MAN1C1: variants seen among roughly 807,000 people sequenced by gnomAD.
The protein encoded by MAN1C1 is mannosidase alpha class 1C member 1, also known as mannosyl-oligosaccharide 1,2-alpha-mannosidase IC.
Under a neutral mutation model 71.5 loss-of-function variants are expected in MAN1C1, and 49 were observed. The observed-to-expected ratio is 0.69, with a 90% confidence interval of 0.54 to 0.87. The LOEUF (loss-of-function observed/expected upper bound fraction) is 0.87, where lower values mean the gene tolerates loss of function less well. Among genes scored for constraint, MAN1C1 ranks in the 40% least tolerant of loss-of-function variants. The pLI is 0.00. For synonymous variants in MAN1C1, 352 were observed against 343.7 expected, an observed-to-expected ratio of 1.02 and a Z score of -0.27; for missense variants, 743 against 835.0, an observed-to-expected ratio of 0.89 and a Z score of 1.36.
chr1:25,783,516 C>G (rs2047725512), intron 11 of MAN1C1, 147 bp from the exon 12 acceptor site: 1 of 833,304 alleles, frequency 1.2e-6, no homozygotes, highest in Non-Finnish European at 1.9e-6. Flanking sequence ...CACCCCCACC[C>G]TGCTGCCCAC....
At chr1:25,749,403 TC>T in intron 4 of MAN1C1, 68 bp downstream of exon 4, 1 of 1,311,726 alleles carries the variant, frequency 7.6e-7, no homozygotes, top group Non-Finnish European at 1.1e-6. Context: ...ATCCAGTCCT[TC>T]CCCCTCATGC....
intron 1 of MAN1C1, among the ~76,000 whole-genome samples, chr1:25,673,412 A>G (rs1225087929): frequency 1.3e-5 from 2 of 152,208 alleles, no homozygotes; most frequent in Non-Finnish European, 2.9e-5. Flanking sequence ...TCTGTTGCTT[A>G]CTTGCTATGA....
At chr1:25,667,656 T>C (rs1361445535) in intron 1 of MAN1C1, among the ~76,000 whole-genome samples, 2 of 152,178 alleles carry the variant, frequency 1.3e-5, no homozygotes, top group Non-Finnish European at 2.9e-5. Context: ...GCTCGATCTT[T>C]TCTCTCTCCT....
chr1:25,626,399 C>T (rs1557738599), intron 1 of MAN1C1, among the ~76,000 whole-genome samples: 1 of 150,954 alleles, frequency 6.6e-6, no homozygotes. Flanking sequence ...TGCTCTGTTG[C>T]CCAGGCTGGA....
chr1:25,751,615 T>C (rs2047217391), intron 4 of MAN1C1, among the ~76,000 whole-genome samples: 1 of 152,260 alleles, frequency 6.6e-6, no homozygotes, highest in Admixed American at 6.5e-5. Flanking sequence ...GCCCCTGCCC[T>C]CTGGCCACAC....
rs77944287 is a variant in MAN1C1 at position 25,681,772 on chromosome 1, G to T, written c.541-4668G>T. 7.0e-4 allele frequency among the ~76,000 whole-genome samples: 107 copies of T among 152,302 alleles called. No homozygotes were observed. The East Asian group carries it at 0.019, about 26-fold the overall frequency. On this transcript the variant is annotated intron_variant, in intron 1 of 11. Coordinates refer to ENST00000374332, the MANE Select transcript of MAN1C1 (RefSeq NM_020379.4). ...CCAACCAGCCATGTATGAGGGTTCTGATTTCAGCATATCCTGGCCAACACT... is the reference window on the plus strand; with the variant it reads ...CCAACCAGCCATGTATGAGGGTTCTTATTTCAGCATATCCTGGCCAACACT...
chr1:25,780,705 AGC>A lies in MAN1C1; in HGVS notation c.1478-234_1478-233del. 6.1e-6 allele frequency: 3 copies of A among 492,530 alleles called. No homozygotes were observed. The Admixed American group carries it at 1.0e-4, about 17-fold the overall frequency. The allele number at this position is 492,530 out of a possible 1,614,324, so 30.5% of individuals were successfully genotyped here. Reference sequence around the variant, plus strand: ...GCTCATTTGGACTCTCAGAGTCCAAAGCTGCTCACATTTCCAGTCCCCGAGGG... The same window carrying A: ...GCTCATTTGGACTCTCAGAGTCCAAATGCTCACATTTCCAGTCCCCGAGGG... On this transcript the variant is annotated intron_variant, in intron 9 of 11. Transcript: ENST00000374332.
intron 2 of MAN1C1, among the ~76,000 whole-genome samples, chr1:25,723,217 A>G (rs139327322): frequency 7.0e-4 from 107 of 152,294 alleles, no homozygotes; most frequent in African/African-American, 2.5e-3. Flanking sequence ...GCCAGGCATC[A>G]AGAGGCCCTC....
chr1:25,682,840 C>A (rs570629345), intron 1 of MAN1C1, among the ~76,000 whole-genome samples: 91 of 152,140 alleles, frequency 6.0e-4, no homozygotes, highest in African/African-American at 2.1e-3. Context: ...GAGTTTGAGA[C>A]CAACCTGGCC....
chr1:25,679,737 GTATAA>G (rs2046119990), intron 1 of MAN1C1, among the ~76,000 whole-genome samples: 2 of 151,668 alleles, frequency 1.3e-5, no homozygotes, highest in South Asian at 2.1e-4. Flanking sequence ...CACACTGTAT[GTATAA>G]TATATGTATA....
At chr1:25,723,806 G>A (rs566684959) in intron 2 of MAN1C1, among the ~76,000 whole-genome samples, 2 of 152,288 alleles carry the variant, frequency 1.3e-5, no homozygotes, top group South Asian at 4.1e-4. Context: ...TTCAAACAGC[G>A]GGATGTATGA....
rs142062930 is a variant in MAN1C1, at chr1:25,769,253, G to GAC, written c.1142-2393_1142-2392dup. Among the ~76,000 whole-genome samples the GAC allele has an allele frequency of 0.24, 35,208 of 145,760 alleles. 4,963 individuals carry two copies. The highest frequency in any genetic ancestry group is 0.4 in the African/African-American group (15,938 of 39,614). On this transcript the variant is annotated intron_variant, in intron 7 of 11. Transcript: ENST00000374332. This position sits in a 1 kb window ranked among gnomAD's most constrained non-coding sequence, Gnocchi z 4.8. The stretch of plus-strand genomic sequence containing the variant: ...TCATACACTACACACCACACTCCTT[G>GAC]ACACACACACACTCTCCCTACACAC...
chr1:25,781,286 G>C lies in MAN1C1; in HGVS notation c.1650+174G>C, dbSNP rs569674503. 30 of 673,406 alleles carry C rather than the reference G, an allele frequency of 4.5e-5. No individual in the cohort carries two copies. In the East Asian group the frequency reaches 5.6e-4, roughly 12 times the overall value. 41.7% of individuals were successfully genotyped at this position (673,406 alleles called of 1,614,324 possible). On this transcript the variant is annotated intron_variant, in intron 10 of 11. Coordinates refer to ENST00000374332, the MANE Select transcript of MAN1C1 (RefSeq NM_020379.4). ...GTGGTTACAGAGCCAAGAGTCCCCA[G>C]CTGGGCAAAGTTGTCCTGAGACAGG...
At chr1:25,761,892 G>C (rs1465312497) in intron 6 of MAN1C1, among the ~76,000 whole-genome samples, 1 of 151,754 alleles carries the variant, frequency 6.6e-6, no homozygotes, top group Non-Finnish European at 1.5e-5. Flanking sequence ...CAAAGTGCTG[G>C]GACTACAGGG....
chr1:25,647,208 C>T (rs1000912724), intron 1 of MAN1C1, among the ~76,000 whole-genome samples: 5 of 152,168 alleles, frequency 3.3e-5, no homozygotes, highest in Non-Finnish European at 7.4e-5. Context: ...ACAAGTGCAG[C>T]TGGGTAGGCC....
intron 1 of MAN1C1, among the ~76,000 whole-genome samples, chr1:25,651,439 G>A (rs913526390): frequency 6.6e-6 from 1 of 152,196 alleles, no homozygotes; most frequent in African/African-American, 2.4e-5. Flanking sequence ...GTATGAGTGG[G>A]ATGGACTCCT....
chr1:25,626,421 C>T (rs552738445), intron 1 of MAN1C1, among the ~76,000 whole-genome samples: 6 of 151,480 alleles, frequency 4.0e-5, no homozygotes, highest in Non-Finnish European at 7.4e-5. Flanking sequence ...TGCAGTGGCA[C>T]GATCTCAGCT....
intron 1 of MAN1C1, among the ~76,000 whole-genome samples, chr1:25,681,590 G>A (rs575767098): frequency 3.9e-5 from 6 of 152,180 alleles, no homozygotes; most frequent in Non-Finnish European, 8.8e-5. Context: ...GACCCACCTC[G>A]CAAGCAGGCC....
chr1:25,637,238 C>T (rs1466602679), intron 1 of MAN1C1, among the ~76,000 whole-genome samples: 2 of 152,130 alleles, frequency 1.3e-5, no homozygotes, highest in African/African-American at 4.8e-5. Flanking sequence ...TTTTAGTCTT[C>T]TTAAAAATAT....
Sources: gnomAD v4.1 joint callset for allele counts (sites outside exome capture counted in the v4.1 genomes callset) on GRCh38, gnomAD v4.1.1 for gene constraint, Gnocchi (gnomAD v3.1) non-coding constraint, MANE v1.5 for transcripts, NCBI Gene and HGNC (gene_info 2026-07-23, HGNC 2026-07-21) for gene names.